The following ZNF536 variants were observed in gnomAD, a reference collection of about 807,000 sequenced individuals.
ZNF536 encodes zinc finger protein 536.
In ZNF536, 13 loss-of-function variants were observed where a neutral mutation model predicts 84.5. The ratio of observed to expected loss-of-function variants is 0.15; its 90% confidence interval spans 0.10 to 0.24. The LOEUF is 0.24. Among genes scored for constraint, ZNF536 ranks in the 10% least tolerant of loss-of-function variants. The pLI is 1.00. For missense variants in ZNF536, 1,536 were observed against 1,747.5 expected (o/e 0.88, Z 2.16); for synonymous variants, 811 against 742.5 (o/e 1.09, Z -1.50).
At chr19:30,258,499 G>A (rs2025026666) in intron 1 of ZNF536, among the ~76,000 whole-genome samples, 1 of 152,288 alleles carries the variant, frequency 6.6e-6, no homozygotes, top group African/African-American at 2.4e-5. Flanking sequence ...CATGCCTCTG[G>A]CATAGAAACG....
At chr19:30,532,056 C>T (rs113993077) in intron 2 of ZNF536, among the ~76,000 whole-genome samples, 404 of 152,232 alleles carry the variant, frequency 2.7e-3, no homozygotes, top group African/African-American at 9.3e-3. Flanking sequence ...CTGGCGGGCT[C>T]CTCTGGAAGA....
chr19:30,503,753 C>T (rs2055044948), intron 2 of ZNF536, among the ~76,000 whole-genome samples: 3 of 152,166 alleles, frequency 2.0e-5, no homozygotes. Context: ...CCCTATCTCC[C>T]TGGCGCCAGA....
chr19:30,636,580 C>A (rs998007704), intron 1 of ZNF536, among the ~76,000 whole-genome samples: 1 of 152,164 alleles, frequency 6.6e-6, no homozygotes, highest in Non-Finnish European at 1.5e-5. Context: ...TCTGTTTAAA[C>A]CCATTTTGCG....
At chr19:30,622,690 C>T (rs1026464069) in intron 1 of ZNF536, among the ~76,000 whole-genome samples, 12 of 152,206 alleles carry the variant, frequency 7.9e-5, no homozygotes, top group South Asian at 2.1e-4. Flanking sequence ...CCTGGTTCCC[C>T]GCTACGCAGC....
At chr19:30,703,546 C>T (rs141484214) in intron 1 of ZNF536, among the ~76,000 whole-genome samples, 213 of 152,280 alleles carry the variant, frequency 1.4e-3, no homozygotes, top group African/African-American at 4.7e-3. Context: ...GAAGGTCCTC[C>T]GGTTTCCCAG....
intron 1 of ZNF536, among the ~76,000 whole-genome samples, chr19:30,619,365 C>T (rs946289886): frequency 2.0e-5 from 3 of 152,160 alleles, no homozygotes; most frequent in Non-Finnish European, 2.9e-5. Context: ...AACTTAGGTA[C>T]ATGTCTGGAT....
upstream of ZNF536, among the ~76,000 whole-genome samples, chr19:30,227,739 AGCCGCC>A (rs532344713): frequency 6.7e-6 from 1 of 150,056 alleles, no homozygotes; most frequent in African/African-American, 2.4e-5. Flanking sequence ...TTCTCCCGGC[AGCCGCC>A]GCCGCCGCCG....
At chr19:30,374,059 A>T (rs868037045) in intron 1 of ZNF536, among the ~76,000 whole-genome samples, 6 of 152,158 alleles carry the variant, frequency 3.9e-5, no homozygotes, top group African/African-American at 1.4e-4. Context: ...TATTATTATT[A>T]TTTTTTAATG....
chr19:30,363,502 A>G (rs764998145), intron 3 of ZNF536, among the ~76,000 whole-genome samples: 1 of 151,938 alleles, frequency 6.6e-6, no homozygotes, highest in Non-Finnish European at 1.5e-5. Flanking sequence ...GAGCCTGGCT[A>G]CTCTACCCGG....
chr19:30,374,195 T>A (rs925343106), intron 1 of ZNF536, among the ~76,000 whole-genome samples: 2 of 152,132 alleles, frequency 1.3e-5, no homozygotes, highest in African/African-American at 2.4e-5. Context: ...AAGAGTTTTT[T>A]TTTCAATAAG....
Position 30,444,567 on chromosome 19 carries a change from C to T in ZNF536, c.1005C>T (p.Asn335=), listed in dbSNP as rs1023728749. Residue 335 remains asparagine, a synonymous_variant, in exon 2 of 5, where the codon AAC becomes AAT. Coordinates refer to ENST00000355537, the MANE Select transcript of ZNF536 (RefSeq NM_014717.3). The part of the protein sequence containing the change: ...TAESAQGQGP[N]GGGEQSANEF... ...AGTCGGCCCAGGGCCAGGGCCCCAA[C>T]GGCGGTGGCGAGCAGTCGGCCAACG... 3.1e-6 allele frequency: 5 copies of T among 1,613,500 alleles called. No homozygotes were observed. The African/African-American group carries it at 4.0e-5, about 13-fold the overall frequency.
chr19:30,486,056 G>A (rs1019101329), intron 2 of ZNF536, among the ~76,000 whole-genome samples: 4 of 152,116 alleles, frequency 2.6e-5, no homozygotes, highest in African/African-American at 9.7e-5. Context: ...TGCTCAGTCT[G>A]CCAGTGACAC....
At chr19:30,605,621 A>C (rs2047842415) in intron 1 of ZNF536, among the ~76,000 whole-genome samples, 1 of 152,130 alleles carries the variant, frequency 6.6e-6, no homozygotes, top group Admixed American at 6.5e-5. Flanking sequence ...ATATCTTTGC[A>C]ACTTTGAATT....
intron 1 of ZNF536, among the ~76,000 whole-genome samples, chr19:30,701,960 A>C (rs2052003493): frequency 6.6e-6 from 1 of 152,102 alleles, no homozygotes; most frequent in Non-Finnish European, 1.5e-5. Context: ...TCCAGGACTA[A>C]ACACCACAGG....
chr19:30,292,209 A>G (rs1294587518), intron 2 of ZNF536, among the ~76,000 whole-genome samples: 1 of 152,224 alleles, frequency 6.6e-6, no homozygotes, highest in Non-Finnish European at 1.5e-5. Context: ...TACAAGTCAC[A>G]TGTTACCTAA....
chr19:30,391,613 T>C (rs942775225), intron 1 of ZNF536, among the ~76,000 whole-genome samples: 5 of 152,136 alleles, frequency 3.3e-5, no homozygotes, highest in African/African-American at 1.2e-4. Context: ...AAAACTGCTT[T>C]TGTTCAGGGT....
chr19:30,267,113 A>G (rs1014923654), intron 1 of ZNF536, among the ~76,000 whole-genome samples: 1 of 152,228 alleles, frequency 6.6e-6, no homozygotes, highest in Non-Finnish European at 1.5e-5. Flanking sequence ...AATGAATTAC[A>G]TTGGACTATC....
intron 1 of ZNF536, among the ~76,000 whole-genome samples, chr19:30,248,043 C>T (rs2024379685): frequency 6.6e-6 from 1 of 152,120 alleles, no homozygotes; most frequent in South Asian, 2.1e-4. Flanking sequence ...CGACCTGGCC[C>T]TGTTCACAAA....
At chr19:30,565,059 C>T (rs966915547) in intron 1 of ZNF536, among the ~76,000 whole-genome samples, 3 of 152,090 alleles carry the variant, frequency 2.0e-5, no homozygotes, top group East Asian at 1.9e-4. Flanking sequence ...CTGTTTGTTG[C>T]GTTGAGAGGT....
Sources: gnomAD v4.1 joint callset for allele counts (sites outside exome capture counted in the v4.1 genomes callset) on GRCh38, gnomAD v4.1.1 for gene constraint, MANE v1.5 for transcripts, NCBI Gene and HGNC (gene_info 2026-07-23, HGNC 2026-07-21) for gene names.